NDUFA5: variants seen among roughly 807,000 people sequenced by gnomAD.
The protein encoded by NDUFA5 is NADH:ubiquinone oxidoreductase subunit A5.
NDUFA5 carries 11 observed loss-of-function variants against 19.8 expected under a neutral mutation model. That is an observed-to-expected ratio of 0.56 (90% CI 0.35 to 0.92). NDUFA5 has a LOEUF of 0.92. NDUFA5 is among the 40% of genes least tolerant of loss of function. The pLI is 0.01. For synonymous variants in NDUFA5, 47 were observed against 46.8 expected, an observed-to-expected ratio of 1.00 and a Z score of -0.01; for missense variants, 109 against 134.2, an observed-to-expected ratio of 0.81 and a Z score of 0.93.
At chr7:123,556,967 GT>G (rs775242642) in intron 2 of NDUFA5, 10 of 448,788 alleles carry the variant, frequency 2.2e-5, no homozygotes, top group South Asian at 3.3e-5. Context: ...AATTTTGTGG[GT>G]TTTTTTGATG....
chr7:123,596,158 CCT>C, the NDUFA5 span, among the ~76,000 whole-genome samples: 4 of 143,574 alleles, frequency 2.8e-5, no homozygotes, highest in African/African-American at 1.0e-4. Flanking sequence ...ACTAAATTTA[CCT>C]CTTATATTGG....
At chr7:123,553,422 A>C (rs1798429502) in intron 2 of NDUFA5, among the ~76,000 whole-genome samples, 1 of 152,214 alleles carries the variant, frequency 6.6e-6, no homozygotes, top group South Asian at 2.1e-4. Flanking sequence ...CATGGGAAAA[A>C]CCCACCCCAT....
chr7:123,570,790 C>T, the NDUFA5 span, among the ~76,000 whole-genome samples: 1 of 152,180 alleles, frequency 6.6e-6, no homozygotes, highest in African/African-American at 2.4e-5. Flanking sequence ...TGAGCCCCAT[C>T]CATTTCCCAT....
At chr7:123,553,304 G>A (rs1002257201) in intron 2 of NDUFA5, among the ~76,000 whole-genome samples, 4 of 152,218 alleles carry the variant, frequency 2.6e-5, no homozygotes, top group Admixed American at 6.5e-5. Context: ...GATGAAAGAG[G>A]GGCAAAGGCT....
At chr7:123,601,063 G>T in the NDUFA5 span, among the ~76,000 whole-genome samples, 3 of 152,154 alleles carry the variant, frequency 2.0e-5, no homozygotes, top group Admixed American at 1.3e-4. Context: ...TTAGTAGGGG[G>T]GTGTAGGGGA....
intron 2 of NDUFA5, among the ~76,000 whole-genome samples, chr7:123,552,819 C>G (rs1220074367): frequency 6.6e-6 from 1 of 152,076 alleles, no homozygotes; most frequent in Non-Finnish European, 1.5e-5. Context: ...CGCCTGATAG[C>G]TCATTGCAAC....
At position 123,539,317 on chromosome 7, in the gene NDUFA5, T is replaced by G. The variant is rs1213002265; in HGVS notation, c.*2802A>C. The G allele has an allele frequency of 1.3e-5, 2 of 152,206 alleles. No individual in the cohort carries two copies. The highest frequency in any genetic ancestry group is 2.9e-5 in the Non-Finnish European group (2 of 68,038). The allele number at this position is 152,206 out of a possible 1,614,324, so 9.4% of individuals were successfully genotyped here. A position where few individuals can be genotyped will look rare whatever the true frequency, so the allele number is the denominator to read the frequency against. On this transcript the variant is annotated 3_prime_UTR_variant, in exon 5 of 5. Transcript: ENST00000355749. ...GTGGAATGATAAATTATCCTATAGT[T>G]ATCCTAAATATAAGCCATTTTCATC... is the stretch of plus-strand genomic sequence containing the variant.
At chr7:123,590,371 G>A in the NDUFA5 span, among the ~76,000 whole-genome samples, 13 of 152,218 alleles carry the variant, frequency 8.5e-5, no homozygotes, top group Non-Finnish European at 1.5e-4. Flanking sequence ...ATTGCTTTTC[G>A]TGTTTTAGTC....
At chr7:123,585,256 TTTG>T in the NDUFA5 span, among the ~76,000 whole-genome samples, 1 of 151,790 alleles carries the variant, frequency 6.6e-6, no homozygotes, top group South Asian at 2.1e-4. Context: ...AATTGAAAAA[TTTG>T]TTGTTTCTTA....
At chr7:123,555,821 C>T (rs977688630) in intron 2 of NDUFA5, 9 of 152,104 alleles carry the variant, frequency 5.9e-5, no homozygotes, top group Non-Finnish European at 1.2e-4. Flanking sequence ...CAGTAAGAAA[C>T]TTGTCTTTAT....
the NDUFA5 span, among the ~76,000 whole-genome samples, chr7:123,566,182 C>G: frequency 6.6e-6 from 1 of 152,126 alleles, no homozygotes; most frequent in African/African-American, 2.4e-5. Flanking sequence ...TTCAGTACCA[C>G]TAGCAAAGAT....
At chr7:123,588,997 T>A in the NDUFA5 span, among the ~76,000 whole-genome samples, 1 of 151,910 alleles carries the variant, frequency 6.6e-6, no homozygotes, top group African/African-American at 2.4e-5. Flanking sequence ...TGATCTATCC[T>A]GGAGAATATT....
the NDUFA5 span, among the ~76,000 whole-genome samples, chr7:123,595,243 ACCCAAGCTTTTAT>A: frequency 6.6e-6 from 1 of 152,136 alleles, no homozygotes; most frequent in African/African-American, 2.4e-5. Context: ...TTGTAATAAA[ACCCAAGCTTTTAT>A]CCATGGCCCA....
intron 3 of NDUFA5, among the ~76,000 whole-genome samples, chr7:123,547,434 A>C (rs1471243810): frequency 3.3e-5 from 5 of 151,850 alleles, no homozygotes; most frequent in African/African-American, 1.2e-4. Context: ...ACTAACATGT[A>C]ATCTCCAAGA....
At chr7:123,600,922 A>G in the NDUFA5 span, among the ~76,000 whole-genome samples, 2 of 152,216 alleles carry the variant, frequency 1.3e-5, no homozygotes, top group Non-Finnish European at 2.9e-5. Flanking sequence ...GTTTCAGGAA[A>G]AAGGGAAGAA....
chr7:123,583,741 G>C, the NDUFA5 span, among the ~76,000 whole-genome samples: 2 of 151,846 alleles, frequency 1.3e-5, no homozygotes, highest in African/African-American at 4.8e-5. Flanking sequence ...TAAGAACACT[G>C]TCTCTTTTCC....
chr7:123,582,419 C>G, the NDUFA5 span, among the ~76,000 whole-genome samples: 1 of 151,978 alleles, frequency 6.6e-6, no homozygotes, highest in Non-Finnish European at 1.5e-5. Context: ...TGCCACCGTC[C>G]TGGAGGAAGA....
upstream of NDUFA5, among the ~76,000 whole-genome samples, chr7:123,559,980 A>AC (rs1164528351): frequency 3.9e-5 from 6 of 152,186 alleles, no homozygotes; most frequent in Non-Finnish European, 7.3e-5. Context: ...TATGAAAAAA[A>AC]AATTATACAC....
chr7:123,542,763 T>A (rs1797985596), intron 4 of NDUFA5, among the ~76,000 whole-genome samples: 1 of 152,218 alleles, frequency 6.6e-6, no homozygotes, highest in Non-Finnish European at 1.5e-5. Context: ...AACAGTGATC[T>A]ATGGAATGTA....
Sources: allele counts gnomAD v4.1 joint callset (sites outside exome capture counted in the v4.1 genomes callset), GRCh38; gene constraint gnomAD v4.1.1; transcripts MANE v1.5; gene names NCBI Gene and HGNC (gene_info 2026-07-23, HGNC 2026-07-21).